The following NLK variants were observed in gnomAD, a reference collection of about 807,000 sequenced individuals.
NLK encodes the protein nemo like kinase.
In NLK, 11 loss-of-function variants were observed where a neutral mutation model predicts 59.0. The ratio of observed to expected loss-of-function variants is 0.19; its 90% CI spans 0.12 to 0.31. The LOEUF is 0.31. NLK is among the 10% of genes least tolerant of loss of function. The pLI, the probability that NLK is intolerant of heterozygous loss-of-function variation, is 1.00. For missense variants in NLK, 410 were observed against 661.1 expected (o/e 0.62, Z 4.16); for synonymous variants, 235 against 235.9 (o/e 1.00, Z 0.03).
At chr17:28,071,434 C>CTTT (rs538917495) in intron 1 of NLK, among the ~76,000 whole-genome samples, 2 of 132,880 alleles carry the variant, frequency 1.5e-5, no homozygotes, top group African/African-American at 5.5e-5. Flanking sequence ...TAGCTCTCCA[C>CTTT]TTTTTTTTTT....
downstream of NLK, among the ~76,000 whole-genome samples, chr17:28,199,665 C>CAAAAAA (rs1303411168): frequency 1.7e-3 from 57 of 33,310 alleles, no homozygotes; most frequent in African/African-American, 3.2e-3. Flanking sequence ...GACTCTGTCT[C>CAAAAAA]AAAAAAAAAA....
At chr17:28,056,428 G>A (rs890324108) in intron 1 of NLK, among the ~76,000 whole-genome samples, 2 of 152,190 alleles carry the variant, frequency 1.3e-5, no homozygotes, top group Non-Finnish European at 2.9e-5. Flanking sequence ...CTGTTTTGCT[G>A]CTTTACCAGT....
chr17:28,064,338 G>A (rs1217745918), intron 1 of NLK, among the ~76,000 whole-genome samples: 4 of 151,684 alleles, frequency 2.6e-5, no homozygotes, highest in Admixed American at 6.6e-5. Context: ...GTGTAGAGAC[G>A]AGATCTCTCT....
chr17:28,171,908 C>A (rs972193294), intron 6 of NLK, among the ~76,000 whole-genome samples: 1 of 151,742 alleles, frequency 6.6e-6, no homozygotes, highest in African/African-American at 2.4e-5. Flanking sequence ...ATATTTCTAT[C>A]ATATAAATAG....
chr17:28,066,838 C>T (rs972684638), intron 1 of NLK, among the ~76,000 whole-genome samples: 3 of 152,152 alleles, frequency 2.0e-5, no homozygotes, highest in African/African-American at 7.2e-5. Context: ...TTTTGCATTT[C>T]CCTAATAACT....
At chr17:28,154,217 A>C (rs1300457539) in intron 3 of NLK, among the ~76,000 whole-genome samples, 1 of 152,210 alleles carries the variant, frequency 6.6e-6, no homozygotes. Flanking sequence ...TGGAGGCATC[A>C]AGTATCTCAG....
intron 1 of NLK, among the ~76,000 whole-genome samples, chr17:28,055,218 G>A (rs193240208): frequency 6.6e-6 from 1 of 150,776 alleles, no homozygotes; most frequent in Non-Finnish European, 1.5e-5. Context: ...TCATCTTCCC[G>A]AGTAGCTGGG....
At chr17:28,083,514 A>G (rs1021331128) in intron 1 of NLK, among the ~76,000 whole-genome samples, 5 of 152,204 alleles carry the variant, frequency 3.3e-5, no homozygotes, top group Admixed American at 1.3e-4. Context: ...AGGAGTTTAT[A>G]TCAGATGTCT....
chr17:28,156,167 G>T (rs1193749533), intron 3 of NLK, among the ~76,000 whole-genome samples: 1 of 151,892 alleles, frequency 6.6e-6, no homozygotes, highest in Non-Finnish European at 1.5e-5. Context: ...AAATATAAGA[G>T]CCAGTAGTAT....
chr17:28,170,429 T>C (rs971620522), intron 6 of NLK, among the ~76,000 whole-genome samples: 7 of 151,748 alleles, frequency 4.6e-5, no homozygotes, highest in Non-Finnish European at 1.0e-4. Context: ...TTACCTAATA[T>C]GTTAGAAACT....
intron 8 of NLK, among the ~76,000 whole-genome samples, chr17:28,188,544 C>T (rs2142071818): frequency 6.6e-6 from 1 of 152,290 alleles, no homozygotes; most frequent in South Asian, 2.1e-4. Flanking sequence ...GTGGCACGAT[C>T]TCCGCTCACC....
At chr17:28,200,271 A>G (rs1909595632), downstream of NLK, among the ~76,000 whole-genome samples, 1 of 152,144 alleles carries the variant, frequency 6.6e-6, no homozygotes, top group African/African-American at 2.4e-5. Flanking sequence ...ACTTTTCTCT[A>G]AAAGTTTTAT....
chr17:28,201,382 CTT>C, the NLK span, among the ~76,000 whole-genome samples: 1 of 126,918 alleles, frequency 7.9e-6, no homozygotes, highest in African/African-American at 3.0e-5. Context: ...TGCACCTGGT[CTT>C]TTTTTTTTTT....
At chr17:28,110,445 T>C (rs1161456539) in intron 1 of NLK, among the ~76,000 whole-genome samples, 1 of 151,912 alleles carries the variant, frequency 6.6e-6, no homozygotes. Flanking sequence ...ATGAATTGTC[T>C]AGGCGTGGAT....
intron 3 of NLK, among the ~76,000 whole-genome samples, chr17:28,134,614 T>C (rs985840544): frequency 2.0e-5 from 3 of 152,208 alleles, no homozygotes; most frequent in Non-Finnish European, 4.4e-5. Flanking sequence ...CCAATCCCCC[T>C]TGGATACTGA....
the NLK span, among the ~76,000 whole-genome samples, chr17:28,201,463 G>A: frequency 6.9e-6 from 1 of 145,408 alleles, no homozygotes; most frequent in Non-Finnish European, 1.5e-5. Flanking sequence ...AGAATAGCTT[G>A]AACCCAGGAG....
chr17:28,095,351 C>T (rs1431353053), intron 1 of NLK, among the ~76,000 whole-genome samples: 10 of 152,134 alleles, frequency 6.6e-5, no homozygotes. Context: ...GTCTACATGG[C>T]CATGTTATCA....
At chr17:28,137,391 T>C (rs1597703241) in intron 3 of NLK, among the ~76,000 whole-genome samples, 1 of 152,120 alleles carries the variant, frequency 6.6e-6, no homozygotes, top group African/African-American at 2.4e-5. Flanking sequence ...ACTTAAGTTG[T>C]GAGGGAAAAT....
At chr17:28,173,054 T>G (rs1555565730) in intron 7 of NLK, among the ~76,000 whole-genome samples, 2 of 152,198 alleles carry the variant, frequency 1.3e-5, no homozygotes, top group African/African-American at 4.8e-5. Flanking sequence ...CAGAATCAGA[T>G]GTGAACGTTG....
Sources: gnomAD v4.1 joint callset for allele counts (sites outside exome capture counted in the v4.1 genomes callset) on GRCh38, gnomAD v4.1.1 for gene constraint, MANE v1.5 for transcripts, NCBI Gene and HGNC (gene_info 2026-07-23, HGNC 2026-07-21) for gene names.